Variants in RELCH observed in about 807,000 individuals in gnomAD.
RELCH encodes the protein RAB11-binding protein RELCH.
A neutral mutation model predicts 150.3 loss-of-function variants in RELCH; 41 were observed. The ratio of observed to expected loss-of-function variants is 0.27; its 90% CI spans 0.21 to 0.35. The LOEUF is 0.35. Ranked by LOEUF, RELCH falls within the 10% of genes least tolerant of loss-of-function variation. The pLI, the probability that RELCH is intolerant of heterozygous loss-of-function variation, is 1.00. For synonymous variants in RELCH, 478 were observed against 531.8 expected (o/e 0.90, Z 1.39); for missense variants, 1,092 against 1,467.8 (o/e 0.74, Z 4.18).
intron 10 of RELCH, among the ~76,000 whole-genome samples, chr18:62,242,636 C>A (rs1235890195): frequency 6.6e-6 from 1 of 152,108 alleles, no homozygotes; most frequent in African/African-American, 2.4e-5. Flanking sequence ...CTCAGTTTGG[C>A]ACATCTGTAG....
chr18:62,243,360 A>G (rs1054897535), intron 10 of RELCH, among the ~76,000 whole-genome samples: 3 of 131,790 alleles, frequency 2.3e-5, no homozygotes, highest in Non-Finnish European at 5.1e-5. Context: ...GGGAAAACAT[A>G]TAGGATCTAC....
chr18:62,218,886 T>C (rs1275724011), intron 2 of RELCH, among the ~76,000 whole-genome samples: 1 of 151,970 alleles, frequency 6.6e-6, no homozygotes, highest in African/African-American at 2.4e-5. Flanking sequence ...GGATAATTAA[T>C]TTTTAGCTTT....
chr18:62,257,256 A>G (rs1218942503), intron 13 of RELCH, among the ~76,000 whole-genome samples: 2 of 152,096 alleles, frequency 1.3e-5, no homozygotes, highest in African/African-American at 4.8e-5. Flanking sequence ...ACTCTTTATC[A>G]TAACTGGAAA....
intron 28 of RELCH, among the ~76,000 whole-genome samples, chr18:62,304,434 T>A (rs574322465): frequency 6.6e-6 from 1 of 152,312 alleles, no homozygotes; most frequent in South Asian, 2.1e-4. Flanking sequence ...CCAGGTGTGC[T>A]CCGTGGCAGC....
At chr18:62,262,017 T>C (rs2043297810) in intron 16 of RELCH, among the ~76,000 whole-genome samples, 1 of 152,054 alleles carries the variant, frequency 6.6e-6, no homozygotes, top group Non-Finnish European at 1.5e-5. Context: ...ATGAAGCTTG[T>C]CATTTCTGCT....
chr18:62,288,335 A>G (rs539793795), intron 26 of RELCH, among the ~76,000 whole-genome samples: 1 of 152,284 alleles, frequency 6.6e-6, no homozygotes, highest in East Asian at 1.9e-4. Context: ...TCACATTGTT[A>G]TATACCAGTC....
Position 62,307,739 on chromosome 18 carries a change from A to G in RELCH, c.*2205A>G, listed in dbSNP as rs1334279573. On this transcript the variant is annotated 3_prime_UTR_variant, in exon 29 of 29. Transcript: ENST00000644646. The stretch of plus-strand genomic sequence containing the variant: ...AAGTTTTTAAGTGTTCAACTTAATG[A>G]AAAACTAAGTTTGCAAAGTAATGAA... 3 of 152,216 alleles carry G rather than the reference A, an allele frequency of 2.0e-5. No homozygotes were observed. The highest frequency in any genetic ancestry group is 4.8e-5 in the African/African-American group (2 of 41,468). 9.4% of individuals were successfully genotyped at this position (152,216 alleles called of 1,614,324 possible). A position where few individuals can be genotyped will look rare whatever the true frequency, so the allele number is the denominator to read the frequency against.
chr18:62,280,936 C>G (rs1025587845), intron 24 of RELCH, among the ~76,000 whole-genome samples: 4 of 152,066 alleles, frequency 2.6e-5, no homozygotes, highest in Non-Finnish European at 5.9e-5. Flanking sequence ...TAAGTATAGG[C>G]CAAGCTTTCA....
At chr18:62,227,143 T>C in intron 5 of RELCH, 146 bp from the exon 6 acceptor site, 1 of 596,266 alleles carries the variant, frequency 1.7e-6, no homozygotes, top group South Asian at 2.1e-5. Context: ...CAGTGAGCCA[T>C]CTATGATTGT....
chr18:62,193,515 C>T (rs1013257762), intron 1 of RELCH, among the ~76,000 whole-genome samples: 3 of 151,980 alleles, frequency 2.0e-5, no homozygotes, highest in Non-Finnish European at 4.4e-5. Flanking sequence ...ATATATGGCT[C>T]TTATTATTTT....
At chr18:62,241,442 A>G (rs756672493) in intron 10 of RELCH, among the ~76,000 whole-genome samples, 2 of 152,108 alleles carry the variant, frequency 1.3e-5, no homozygotes, top group Non-Finnish European at 2.9e-5. Context: ...ATGCAAACAC[A>G]TAAGTTTTAT....
intron 2 of RELCH, among the ~76,000 whole-genome samples, chr18:62,213,850 C>T (rs188091917): frequency 2.7e-5 from 4 of 150,932 alleles, no homozygotes; most frequent in Non-Finnish European, 4.4e-5. Flanking sequence ...GTGTACATAA[C>T]GTTTTCTTTC....
intron 14 of RELCH, 60 bp from the exon 15 acceptor site, chr18:62,258,447 TATTAA>T (rs1181353236): frequency 1.5e-6 from 2 of 1,329,936 alleles, no homozygotes; most frequent in Non-Finnish European, 2.1e-6. Flanking sequence ...TATTACTTTT[TATTAA>T]GTGTTTTATT....
At chr18:62,232,181 T>A in intron 9 of RELCH, 151 bp from the exon 10 acceptor site, 1 of 444,854 alleles carries the variant, frequency 2.2e-6, no homozygotes, top group Middle Eastern at 4.9e-4. Flanking sequence ...GCTGCTGCTG[T>A]TGTTGTTGTT....
At chr18:62,215,177 C>T (rs1430654827) in intron 2 of RELCH, among the ~76,000 whole-genome samples, 1 of 152,092 alleles carries the variant, frequency 6.6e-6, no homozygotes, top group Non-Finnish European at 1.5e-5. Flanking sequence ...TAGAATTTCT[C>T]ATTTGAATCT....
In RELCH at chr18:62,275,356, T is replaced by C. The variant is rs766481538; in HGVS notation, c.2868-18T>C. ...TGTGGCTCTCAATTTTAACACTGTT[T>C]TTTTTTTTTTCTTCTAGTGCAAACC... is the stretch of plus-strand genomic sequence containing the variant. On this transcript the variant is annotated intron_variant, in intron 21 of 28. Transcript: ENST00000644646. The C allele has an allele frequency of 3.5e-6, 5 of 1,430,490 alleles. No individual in the cohort carries two copies. The highest frequency in any genetic ancestry group is 4.7e-6 in the Non-Finnish European group (5 of 1,054,556). 88.6% of individuals were successfully genotyped at this position (1,430,490 alleles called of 1,614,324 possible). A position where few individuals can be genotyped will look rare whatever the true frequency, so the allele number is the denominator to read the frequency against.
intron 10 of RELCH, among the ~76,000 whole-genome samples, chr18:62,236,286 C>T (rs2041875835): frequency 6.6e-6 from 1 of 151,926 alleles, no homozygotes; most frequent in African/African-American, 2.4e-5. Flanking sequence ...TGTTAAACCA[C>T]CCTTGCATTC....
At chr18:62,195,261 G>C (rs1201447599) in intron 1 of RELCH, among the ~76,000 whole-genome samples, 1 of 148,136 alleles carries the variant, frequency 6.8e-6, no homozygotes, top group Admixed American at 6.7e-5. Context: ...AATATTATTT[G>C]CTGGAATATA....
intron 26 of RELCH, among the ~76,000 whole-genome samples, chr18:62,290,960 A>G (rs1166724958): frequency 6.6e-6 from 1 of 152,214 alleles, no homozygotes; most frequent in African/African-American, 2.4e-5. Flanking sequence ...TCTGTTGATT[A>G]TAGTTAAACA....
Sources: allele counts gnomAD v4.1 joint callset (sites outside exome capture counted in the v4.1 genomes callset), GRCh38; gene constraint gnomAD v4.1.1; transcripts MANE v1.5; gene names NCBI Gene and HGNC (gene_info 2026-07-23, HGNC 2026-07-21).